Variants in MAF observed in about 807,000 individuals in gnomAD.
MAF encodes transcription factor Maf.
In MAF, 10 loss-of-function variants were observed where a neutral mutation model predicts 22.0. The observed-to-expected ratio is 0.45, with a 90% CI of 0.28 to 0.77. The LOEUF (loss-of-function observed/expected upper bound fraction) is 0.77, where lower values mean the gene tolerates loss of function less well. Ranked by LOEUF, MAF falls within the 30% of genes least tolerant of loss-of-function variation. MAF has a pLI of 0.12. For missense variants in MAF, 544 were observed against 548.4 expected, an observed-to-expected ratio of 0.99 and a Z score of 0.08; for synonymous variants, 337 against 255.8, an observed-to-expected ratio of 1.32 and a Z score of -3.03.
chr16:79,466,098 G>A, the MAF span, among the ~76,000 whole-genome samples: 12 of 152,092 alleles, frequency 7.9e-5, no homozygotes, highest in South Asian at 4.1e-4. Flanking sequence ...AGTTTTTCTC[G>A]CTTTTAGGGA....
At chr16:79,478,726 T>A in the MAF span, among the ~76,000 whole-genome samples, 1 of 152,036 alleles carries the variant, frequency 6.6e-6, no homozygotes, top group East Asian at 1.9e-4. Flanking sequence ...CACCAGTGCA[T>A]CATCCCAGCA....
At chr16:79,283,503 C>T in the MAF span, among the ~76,000 whole-genome samples, 21 of 152,282 alleles carry the variant, frequency 1.4e-4, no homozygotes, top group African/African-American at 3.1e-4. Context: ...CTACATCCAA[C>T]GCCTTTAGGT....
the MAF span, among the ~76,000 whole-genome samples, chr16:79,539,265 AG>A: frequency 3.7e-4 from 57 of 152,352 alleles, no homozygotes; most frequent in Non-Finnish European, 7.8e-4. Context: ...GCACTTCGGG[AG>A]GCCGAGCCGG....
the MAF span, among the ~76,000 whole-genome samples, chr16:79,310,358 C>CGA: frequency 3.8e-4 from 58 of 151,604 alleles, no homozygotes; most frequent in East Asian, 4.1e-3. Flanking sequence ...CTGTTTCGGA[C>CGA]GAGAGAGAGA....
the MAF span, chr16:79,202,853 T>C: frequency 1.3e-5 from 2 of 152,344 alleles, no homozygotes; most frequent in East Asian, 1.9e-4. Context: ...GGCAGCCTAA[T>C]TGTATTTCCT....
chr16:79,408,091 A>AAAAAC, the MAF span, among the ~76,000 whole-genome samples: 12 of 149,414 alleles, frequency 8.0e-5, 2 homozygotes, highest in African/African-American at 2.9e-4. Flanking sequence ...AAAAAAAAAA[A>AAAAAC]AAAAAAAAAC....
the MAF span, among the ~76,000 whole-genome samples, chr16:79,519,470 C>T: frequency 0.063 from 9,624 of 152,252 alleles, 325 homozygotes; most frequent in Non-Finnish European, 0.071. Context: ...GGGAGAGCTG[C>T]TGCCAGGAGC....
the MAF span, among the ~76,000 whole-genome samples, chr16:79,294,385 C>T: frequency 1.2e-4 from 19 of 152,208 alleles, no homozygotes; most frequent in East Asian, 3.5e-3. Context: ...TTTGTAGTTC[C>T]TCTCCTTCAA....
chr16:79,222,932 A>C, the MAF span, among the ~76,000 whole-genome samples: 7 of 152,258 alleles, frequency 4.6e-5, no homozygotes, highest in Non-Finnish European at 8.8e-5. Context: ...AGACTTCAAC[A>C]CTCCACTGTC....
the MAF span, among the ~76,000 whole-genome samples, chr16:79,421,981 T>G: frequency 6.6e-6 from 1 of 152,210 alleles, no homozygotes; most frequent in Non-Finnish European, 1.5e-5. Context: ...TTTCACCATG[T>G]TGGCCAGGCT....
At chr16:79,515,661 C>G in the MAF span, among the ~76,000 whole-genome samples, 5 of 152,164 alleles carry the variant, frequency 3.3e-5, no homozygotes, top group Admixed American at 3.3e-4. Context: ...GTATTTACAA[C>G]TCTCCTCCTC....
the MAF span, among the ~76,000 whole-genome samples, chr16:79,373,961 G>T: frequency 2.6e-5 from 4 of 152,266 alleles, no homozygotes; most frequent in East Asian, 1.9e-4. Context: ...CAAGAAAATT[G>T]TCCAACACAG....
At chr16:79,450,112 C>CGAAA in the MAF span, among the ~76,000 whole-genome samples, 1 of 152,224 alleles carries the variant, frequency 6.6e-6, no homozygotes, top group South Asian at 2.1e-4. Flanking sequence ...TGTAACTTTT[C>CGAAA]ACTTACATCA....
chr16:79,580,219 T>C, the MAF span, among the ~76,000 whole-genome samples: 2 of 151,944 alleles, frequency 1.3e-5, no homozygotes, highest in African/African-American at 4.8e-5. Flanking sequence ...GTCTATTATG[T>C]GGCCACAGAT....
the MAF span, among the ~76,000 whole-genome samples, chr16:79,286,763 C>T: frequency 2.0e-5 from 3 of 152,206 alleles, no homozygotes; most frequent in African/African-American, 7.2e-5. Context: ...CACCCGTTCT[C>T]ACATGGCCGT....
At chr16:79,454,901 A>C in the MAF span, among the ~76,000 whole-genome samples, 2 of 152,108 alleles carry the variant, frequency 1.3e-5, no homozygotes, top group Non-Finnish European at 2.9e-5. Context: ...GTTCGAGACC[A>C]GCCTGACCAA....
the MAF span, among the ~76,000 whole-genome samples, chr16:79,356,199 C>G: frequency 6.6e-6 from 1 of 152,154 alleles, no homozygotes; most frequent in Non-Finnish European, 1.5e-5. Context: ...CACACACACA[C>G]ATGCACTCAC....
the MAF span, among the ~76,000 whole-genome samples, chr16:79,404,569 G>A: frequency 2.0e-5 from 3 of 152,128 alleles, no homozygotes; most frequent in African/African-American, 7.2e-5. Flanking sequence ...CTTACCGCAT[G>A]GGGTGCCGCA....
chr16:79,558,293 A>T, the MAF span, among the ~76,000 whole-genome samples: 1 of 152,118 alleles, frequency 6.6e-6, no homozygotes, highest in Non-Finnish European at 1.5e-5. Context: ...TATAAAGAGA[A>T]AGAAGAAAGA....
Sources: allele counts gnomAD v4.1 joint callset (sites outside exome capture counted in the v4.1 genomes callset), GRCh38; gene constraint gnomAD v4.1.1; transcripts MANE v1.5; gene names NCBI Gene and HGNC (gene_info 2026-07-23, HGNC 2026-07-21).